G3BP1: variants seen among roughly 807,000 people sequenced by gnomAD.
G3BP1 encodes the protein ras GTPase-activating protein-binding protein 1.
G3BP1 carries 35 observed loss-of-function variants against 58.6 expected under a neutral mutation model. The ratio of observed to expected loss-of-function variants is 0.60; its 90% CI spans 0.46 to 0.79. The LOEUF is 0.79. G3BP1 is among the 30% of genes least tolerant of loss of function. G3BP1 has a pLI of 0.00. For synonymous variants in G3BP1, 191 were observed against 195.4 expected, an observed-to-expected ratio of 0.98 and a Z score of 0.19; for missense variants, 523 against 580.8, an observed-to-expected ratio of 0.90 and a Z score of 1.02.
intron 7 of G3BP1, among the ~76,000 whole-genome samples, chr5:151,798,237 C>G (rs1167128278): frequency 6.6e-6 from 1 of 152,184 alleles, no homozygotes; most frequent in African/African-American, 2.4e-5. Context: ...GTGGTCCCAC[C>G]TGCTTGGGAG....
rs1762976839 is a variant in G3BP1 at position 151,809,048 on chromosome 5, A to C, written c.*4957A>C. 6.6e-6 allele frequency: 1 copy of C among 152,142 alleles called. No individual in the cohort carries two copies. The highest frequency in any genetic ancestry group is 6.6e-5 in the Admixed American group (1 of 15,262). 9.4% of individuals were successfully genotyped at this position (152,142 alleles called of 1,614,324 possible). On this transcript the variant is annotated 3_prime_UTR_variant, in exon 12 of 12. Coordinates refer to ENST00000356245, the MANE Select transcript of G3BP1 (RefSeq NM_005754.3). ...AAAAGTGAGCCAGATGTGGTGGCGC[A>C]TTCCTATAGTCTCCGTCTCTCAGGA...
At chr5:151,796,892 C>T (rs1762761079) in intron 6 of G3BP1, among the ~76,000 whole-genome samples, 1 of 150,130 alleles carries the variant, frequency 6.7e-6, no homozygotes, top group Non-Finnish European at 1.5e-5. Flanking sequence ...TTCCCGCCCC[C>T]CCCGCCCCAG....
In G3BP1 at chr5:151,811,816, T is replaced by C. The variant is rs1162277636; in HGVS notation, c.*7725T>C. On this transcript the variant is annotated 3_prime_UTR_variant, in exon 12 of 12. Transcript: ENST00000356245. The stretch of plus-strand genomic sequence containing the variant: ...TTAAGGTGGTAGCCAGACAAATCCT[T>C]AACTGCAGCATTAAGGCCATACCAA... The C allele has an allele frequency of 6.6e-6, 1 of 152,164 alleles. No homozygotes were observed. Among genetic ancestry groups the C allele is most frequent in the African/African-American group, 2.4e-5 (1 of 41,446 alleles). 9.4% of individuals were successfully genotyped at this position (152,164 alleles called of 1,614,324 possible). A position where few individuals can be genotyped will look rare whatever the true frequency, so the allele number is the denominator to read the frequency against.
At position 151,804,038 on chromosome 5, in the gene G3BP1, A is replaced by G; in HGVS notation, c.1348A>G (p.Met450Val). 1 of 1,613,354 alleles carries G rather than the reference A, an allele frequency of 6.2e-7. No homozygotes were observed. Among genetic ancestry groups the G allele is most frequent in the South Asian group, 1.1e-5 (1 of 90,850 alleles). The change falls in exon 12 of 12, where the codon ATG becomes GTG. Residue 450 changes from methionine to valine, a missense_variant. Coordinates refer to ENST00000356245, the MANE Select transcript of G3BP1 (RefSeq NM_005754.3). ...GGMRGPPRGG[M>V]VQKPGFGVGR... ...AATGAGAGGCCCTCCCCGTGGAGGC[A>G]TGGTGCAGAAACCAGGATTTGGAGT...
In G3BP1 at chr5:151,800,394, C is replaced by G. The variant is rs1762830476; in HGVS notation, c.1084+48C>G. ...CTAAATTCATCTAGTGTCTCTCTAG[C>G]ACTGTCCAGTAGCAATAGAAAATGA... On this transcript the variant is annotated intron_variant, in intron 10 of 11. Transcript: ENST00000356245. 5 of 1,438,408 alleles carry G rather than the reference C, an allele frequency of 3.5e-6. No individual in the cohort carries two copies. In the East Asian group the frequency reaches 1.1e-4, roughly 33 times the overall value. 89.1% of individuals were successfully genotyped at this position (1,438,408 alleles called of 1,614,324 possible). A position where few individuals can be genotyped will look rare whatever the true frequency, so the allele number is the denominator to read the frequency against.
At chr5:151,785,832 A>G (rs1025664883) in intron 1 of G3BP1, among the ~76,000 whole-genome samples, 5 of 152,222 alleles carry the variant, frequency 3.3e-5, no homozygotes, top group Non-Finnish European at 5.9e-5. Context: ...TTTTTAAAAG[A>G]TGCTATACTA....
chr5:151,800,429 G>A, intron 10 of G3BP1, 83 bp downstream of exon 10: 2 of 950,696 alleles, frequency 2.1e-6, no homozygotes, highest in South Asian at 1.9e-5. Flanking sequence ...AGCCACATAT[G>A]TAATTATAAA....
intron 6 of G3BP1, 142 bp from the exon 7 acceptor site, chr5:151,797,085 A>C (rs747569356): frequency 1.5e-5 from 11 of 733,050 alleles, no homozygotes; most frequent in Non-Finnish European, 2.5e-5. Context: ...TTAAAAACTC[A>C]GATAGATATA....
In G3BP1 at chr5:151,788,615, T is replaced by TGTGTG. The variant is rs1276643889; in HGVS notation, c.96-1708_96-1707insGTGTG. On this transcript the variant is annotated intron_variant, in intron 2 of 11. Transcript: ENST00000356245. ...GTGTGTGTGTGTGTGTGTGTGTGTA[T>TGTGTG]TATTTATTTATTTATTTTTAGTAGG... Among the ~76,000 whole-genome samples the TGTGTG allele has an allele frequency of 3.9e-4, 57 of 147,296 alleles. 1 individual carries two copies. The highest frequency in any genetic ancestry group is 5.2e-4 in the Non-Finnish European group (35 of 67,470).
chr5:151,778,683 A>C (rs2915871), intron 1 of G3BP1, among the ~76,000 whole-genome samples: 69,272 of 151,624 alleles, frequency 0.46, 16,266 homozygotes, highest in African/African-American at 0.56. Context: ...TTCGGGTGAT[A>C]TGCCCTCCTC....
At chr5:151,796,415 C>G (rs1338415801) in intron 6 of G3BP1, among the ~76,000 whole-genome samples, 1 of 152,138 alleles carries the variant, frequency 6.6e-6, no homozygotes, top group Non-Finnish European at 1.5e-5. Context: ...ACTACAGGCG[C>G]ACGCCACCAT....
chr5:151,811,958 A>G lies in G3BP1; in HGVS notation c.*7867A>G, dbSNP rs1371042913. The G allele has an allele frequency of 6.6e-6, 1 of 152,210 alleles. No homozygotes were observed. The highest frequency in any genetic ancestry group is 2.4e-5 in the African/African-American group (1 of 41,460). 9.4% of individuals were successfully genotyped at this position (152,210 alleles called of 1,614,324 possible). A position where few individuals can be genotyped will look rare whatever the true frequency, so the allele number is the denominator to read the frequency against. On this transcript the variant is annotated 3_prime_UTR_variant, in exon 12 of 12. Transcript: ENST00000356245. ...TGATTTTCCAGGCCAATTAATTAAA[A>G]TGTCCCCAGGCTGCTTTTTAGAAGT...
chr5:151,812,585 G>A lies in G3BP1; in HGVS notation c.*8494G>A, dbSNP rs1763031808. 1 of 152,232 alleles carries A rather than the reference G, an allele frequency of 6.6e-6. No individual in the cohort carries two copies. The highest frequency in any genetic ancestry group is 1.5e-5 in the Non-Finnish European group (1 of 68,026). 9.4% of individuals were successfully genotyped at this position (152,232 alleles called of 1,614,324 possible). ...ATTAATGCAGAAGTCATTTGCTTTG[G>A]CCAGGTTGGGTGGGACTCTGAGATT... On this transcript the variant is annotated 3_prime_UTR_variant, in exon 12 of 12. Coordinates refer to ENST00000356245, the MANE Select transcript of G3BP1 (RefSeq NM_005754.3).
In G3BP1 at chr5:151,791,081, A is replaced by G. The variant is rs1448174809; in HGVS notation, c.351+19A>G. 6.3e-7 allele frequency: 1 copy of G among 1,581,730 alleles called. No homozygotes were observed. Among genetic ancestry groups the G allele is most frequent in the Admixed American group, 1.7e-5 (1 of 59,982 alleles). On this transcript the variant is annotated intron_variant, in intron 4 of 11. Coordinates refer to ENST00000356245, the MANE Select transcript of G3BP1 (RefSeq NM_005754.3). ...TCCTGAGGTATGTGTAGGAATGATT[A>G]TTTTGTAGTGATCCAATACATGAAA...
At chr5:151,800,023 T>C in intron 9 of G3BP1, 23 bp downstream of exon 9, 1 of 1,471,612 alleles carries the variant, frequency 6.8e-7, no homozygotes, top group Non-Finnish European at 9.5e-7. Context: ...AAGGGCGATT[T>C]CTCGTTTGGG....
At chr5:151,773,981 C>T (rs946017458) in intron 1 of G3BP1, among the ~76,000 whole-genome samples, 1 of 152,146 alleles carries the variant, frequency 6.6e-6, no homozygotes, top group African/African-American at 2.4e-5. Context: ...CAGTTCTTGG[C>T]CTCAGGCAAA....
In G3BP1 at chr5:151,800,744, T is replaced by A; in HGVS notation, c.1085-16T>A. 2 of 1,429,530 alleles carry A rather than the reference T, an allele frequency of 1.4e-6. No individual in the cohort carries two copies. The highest frequency in any genetic ancestry group is 2.0e-6 in the Non-Finnish European group (2 of 1,011,652). 88.6% of individuals were successfully genotyped at this position (1,429,530 alleles called of 1,614,324 possible). A position where few individuals can be genotyped will look rare whatever the true frequency, so the allele number is the denominator to read the frequency against. On this transcript the variant is annotated splice_polypyrimidine_tract_variant and intron_variant, in intron 10 of 11. Coordinates refer to ENST00000356245, the MANE Select transcript of G3BP1 (RefSeq NM_005754.3). ...AATGGTCTAAGTAGTTATCTGAGAA[T>A]GTGTTTCACTTGCAGGTTATGGAAA...
chr5:151,778,556 C>G (rs966727881), intron 1 of G3BP1, among the ~76,000 whole-genome samples: 30 of 152,028 alleles, frequency 2.0e-4, no homozygotes. Context: ...ATTCTCCTGT[C>G]TCAGCCTCCT....
Position 151,805,792 on chromosome 5 carries a change from T to C in G3BP1, c.*1701T>C, listed in dbSNP as rs776408085. 3 of 152,234 alleles carry C rather than the reference T, an allele frequency of 2.0e-5. No individual in the cohort carries two copies. Among genetic ancestry groups the C allele is most frequent in the Non-Finnish European group, 4.4e-5 (3 of 68,038 alleles). 9.4% of individuals were successfully genotyped at this position (152,234 alleles called of 1,614,324 possible). A position where few individuals can be genotyped will look rare whatever the true frequency, so the allele number is the denominator to read the frequency against. ...TGATAATAGGAAGAAATACAACTTATACTTTTGTAGCTTATATTAAGCATG... is the reference window on the plus strand; with the variant it reads ...TGATAATAGGAAGAAATACAACTTACACTTTTGTAGCTTATATTAAGCATG... On this transcript the variant is annotated 3_prime_UTR_variant, in exon 12 of 12. Coordinates refer to ENST00000356245, the MANE Select transcript of G3BP1 (RefSeq NM_005754.3).
Sources: gnomAD v4.1 joint callset for allele counts (sites outside exome capture counted in the v4.1 genomes callset) on GRCh38, gnomAD v4.1.1 for gene constraint, MANE v1.5 for transcripts, NCBI Gene and HGNC (gene_info 2026-07-23, HGNC 2026-07-21) for gene names.